The following USH2A variants were observed in gnomAD, a reference collection of about 807,000 sequenced individuals.
USH2A encodes the protein usherin.
USH2A carries 443 observed loss-of-function variants against 538.9 expected under a neutral mutation model. The ratio of observed to expected loss-of-function variants is 0.82; its 90% CI spans 0.76 to 0.89. The LOEUF is 0.89. Among genes scored for constraint, USH2A ranks in the 40% least tolerant of loss-of-function variants. USH2A has a pLI of 0.00. For missense variants in USH2A, 6,633 were observed against 6,324.8 expected (o/e 1.05, Z -1.65); for synonymous variants, 2,413 against 2,273.5 (o/e 1.06, Z -1.75).
At chr1:215,867,769 T>C (rs1380404301) in intron 43 of USH2A, among the ~76,000 whole-genome samples, 1 of 152,210 alleles carries the variant, frequency 6.6e-6, no homozygotes, top group Non-Finnish European at 1.5e-5. Flanking sequence ...TGTGAACATA[T>C]TTACTTGAGT....
chr1:215,655,893 A>T (rs1349342632), intron 64 of USH2A, among the ~76,000 whole-genome samples: 1 of 151,668 alleles, frequency 6.6e-6, no homozygotes, highest in Non-Finnish European at 1.5e-5. Context: ...CTGCCACCAC[A>T]CCTGGCTAAT....
At chr1:216,027,260 C>G (rs1668988882) in intron 32 of USH2A, among the ~76,000 whole-genome samples, 1 of 152,002 alleles carries the variant, frequency 6.6e-6, no homozygotes, top group South Asian at 2.1e-4. Flanking sequence ...ATAAAGACAC[C>G]AGGGTGTGCG....
intron 21 of USH2A, among the ~76,000 whole-genome samples, chr1:216,151,203 C>G (rs148204356): frequency 4.0e-4 from 61 of 152,238 alleles, no homozygotes; most frequent in African/African-American, 1.4e-3. Flanking sequence ...TGACAGCTGC[C>G]GCCCTAGGTG....
intron 30 of USH2A, among the ~76,000 whole-genome samples, chr1:216,057,600 T>C (rs2031022344): frequency 6.6e-6 from 1 of 152,072 alleles, no homozygotes; most frequent in Non-Finnish European, 1.5e-5. Flanking sequence ...GACAGGAGAA[T>C]TGCTTGAACC....
At chr1:215,626,431 A>G (rs1048407664) in intron 71 of USH2A, among the ~76,000 whole-genome samples, 1 of 151,850 alleles carries the variant, frequency 6.6e-6, no homozygotes, top group Non-Finnish European at 1.5e-5. Context: ...ATATACACAC[A>G]TATATATGGA....
intron 61 of USH2A, among the ~76,000 whole-genome samples, chr1:215,701,035 G>A (rs886983524): frequency 1.3e-5 from 2 of 152,026 alleles, no homozygotes; most frequent in Admixed American, 1.3e-4. Context: ...TTCAATGAAC[G>A]TATGTATTTT....
chr1:216,393,793 G>A (rs2039153944), intron 3 of USH2A, among the ~76,000 whole-genome samples: 1 of 152,080 alleles, frequency 6.6e-6, no homozygotes, highest in Non-Finnish European at 1.5e-5. Context: ...GATTATGGAG[G>A]GGAGCCAGAC....
At chr1:216,079,393 G>A (rs953532937) in intron 26 of USH2A, among the ~76,000 whole-genome samples, 1 of 152,096 alleles carries the variant, frequency 6.6e-6, no homozygotes, top group South Asian at 2.1e-4. Flanking sequence ...GAACAGAGAA[G>A]GCTTTTTGCT....
At chr1:215,757,470 G>T (rs1222827918) in intron 58 of USH2A, among the ~76,000 whole-genome samples, 1 of 152,136 alleles carries the variant, frequency 6.6e-6, no homozygotes, top group Non-Finnish European at 1.5e-5. Context: ...TGGCTCAAAT[G>T]GCTGTTAACC....
intron 3 of USH2A, among the ~76,000 whole-genome samples, chr1:216,412,045 C>A (rs935448304): frequency 6.6e-6 from 1 of 152,130 alleles, no homozygotes; most frequent in African/African-American, 2.4e-5. Context: ...TCTGAAGAGA[C>A]TGTAAGCTCC....
rs746442849 is a variant in USH2A at position 215,674,344 on chromosome 1, C to A, written c.13567G>T (p.Val4523Phe). 33 of 1,613,844 alleles carry A rather than the reference C, an allele frequency of 2.0e-5. No individual in the cohort carries two copies. The highest frequency in any genetic ancestry group is 2.5e-5 in the Non-Finnish European group (30 of 1,179,842). The change falls in exon 63 of 72, where the codon GTC becomes TTC. Residue 4523 changes from valine (V) to phenylalanine (F), a missense_variant. Val to Phe is a conservative substitution (Grantham distance 50). Coordinates refer to ENST00000307340, the MANE Select transcript of USH2A (RefSeq NM_206933.4). ...GCTGAGGGGCTGGTTCGATCTTTGACAAGAGGACTCAAAATACCCCCTTGG... is the reference window on the plus strand; with the variant it reads ...GCTGAGGGGCTGGTTCGATCTTTGAAAAGAGGACTCAAAATACCCCCTTGG... ...NSQGGILSPL[V>F]KDRTSPSAPS... is the part of the protein sequence containing the mutation.
intron 55 of USH2A, among the ~76,000 whole-genome samples, chr1:215,769,295 T>A (rs1479287725): frequency 6.6e-6 from 1 of 152,180 alleles, no homozygotes; most frequent in East Asian, 1.9e-4. Context: ...TGGTCTGATT[T>A]CAGACATGCA....
chr1:215,974,405 T>C (rs1667571909), intron 35 of USH2A, among the ~76,000 whole-genome samples: 1 of 152,118 alleles, frequency 6.6e-6, no homozygotes. Flanking sequence ...CATGGGTATA[T>C]TGTGTGATGC....
intron 21 of USH2A, among the ~76,000 whole-genome samples, chr1:216,157,920 C>A (rs1299465539): frequency 6.6e-6 from 1 of 151,986 alleles, no homozygotes; most frequent in Admixed American, 6.6e-5. Flanking sequence ...AGTAACAAAC[C>A]CGCATGTTGT....
At chr1:216,239,754 A>G (rs1157956861) in intron 13 of USH2A, among the ~76,000 whole-genome samples, 1 of 152,146 alleles carries the variant, frequency 6.6e-6, no homozygotes, top group Non-Finnish European at 1.5e-5. Flanking sequence ...CCAGGAACAG[A>G]GGAAGGTGGC....
At chr1:215,940,956 C>A (rs1046830944) in intron 37 of USH2A, among the ~76,000 whole-genome samples, 1 of 150,408 alleles carries the variant, frequency 6.6e-6, no homozygotes, top group Non-Finnish European at 1.5e-5. Context: ...TATCGAGAAT[C>A]TTTATGTTTT....
intron 29 of USH2A, 108 bp downstream of exon 29, chr1:216,072,781 G>T: frequency 9.2e-7 from 1 of 1,082,896 alleles, no homozygotes; most frequent in Non-Finnish European, 1.4e-6. Context: ...TCTGTCAGAA[G>T]ACTACAAAAA....
At chr1:215,771,445 T>C (rs977719758) in intron 55 of USH2A, among the ~76,000 whole-genome samples, 32 of 150,152 alleles carry the variant, frequency 2.1e-4, no homozygotes, top group African/African-American at 7.3e-4. Flanking sequence ...CCGGGCGTAG[T>C]GGCGGGCGCC....
chr1:216,163,292 T>C (rs947790131), intron 21 of USH2A, among the ~76,000 whole-genome samples: 12 of 152,098 alleles, frequency 7.9e-5, no homozygotes, highest in African/African-American at 2.4e-4. Context: ...ATATTCCCAT[T>C]TGCTACTTAA....
Sources: gnomAD v4.1 joint callset for allele counts (sites outside exome capture counted in the v4.1 genomes callset) on GRCh38, gnomAD v4.1.1 for gene constraint, MANE v1.5 for transcripts, NCBI Gene and HGNC (gene_info 2026-07-23, HGNC 2026-07-21) for gene names.